The following SNTA1 variants were observed in gnomAD, a reference collection of about 807,000 sequenced individuals.
SNTA1 encodes syntrophin alpha 1.
Under a neutral mutation model 47.1 loss-of-function variants are expected in SNTA1, and 31 were observed. That is an observed-to-expected ratio of 0.66 (90% CI 0.49 to 0.89). The LOEUF (loss-of-function observed/expected upper bound fraction) is 0.89. Ranked by LOEUF, SNTA1 falls within the 40% of genes least tolerant of loss-of-function variation. The pLI, the probability that SNTA1 is intolerant of heterozygous loss-of-function variation, is 0.00. For synonymous variants in SNTA1, 300 were observed against 313.6 expected (o/e 0.96, Z 0.46); for missense variants, 575 against 693.0 (o/e 0.83, Z 1.91).
Position 33,428,004 on chromosome 20 carries a change from G to A in SNTA1, c.497-10081C>T, listed in dbSNP as rs6087488. On this transcript the variant is annotated intron_variant, in intron 2 of 7. Transcript: ENST00000217381. The stretch of plus-strand genomic sequence containing the variant: ...TCACAGGTGCATCATAGTGCACTCC[G>A]GCCTCGAATTCCTGGCCTCAAACAA... 6.1e-4 allele frequency among the ~76,000 whole-genome samples: 92 copies of A among 151,698 alleles called. No individual in the cohort carries two copies. In the East Asian group the frequency reaches 0.017, roughly 28 times the overall value.
chr20:33,409,135 T>C (rs1191364252), intron 6 of SNTA1, among the ~76,000 whole-genome samples: 2 of 152,040 alleles, frequency 1.3e-5, no homozygotes, highest in Non-Finnish European at 2.9e-5. Context: ...AAATGTGCCA[T>C]GGACAGGAGG....
chr20:33,434,831 C>T (rs1340640726), intron 2 of SNTA1, among the ~76,000 whole-genome samples: 5 of 151,850 alleles, frequency 3.3e-5, no homozygotes, highest in Non-Finnish European at 7.4e-5. Context: ...AGCCACCACG[C>T]CTGCCTGGAG....
At chr20:33,430,287 C>CTT (rs951409757) in intron 2 of SNTA1, among the ~76,000 whole-genome samples, 125 of 131,506 alleles carry the variant, frequency 9.5e-4, no homozygotes, top group Non-Finnish European at 1.2e-3. Context: ...TTACTTTTTT[C>CTT]TTTTTTTTTT....
At chr20:33,412,131 TTTTACAG>T (rs1429094306) in intron 5 of SNTA1, among the ~76,000 whole-genome samples, 158 bp downstream of exon 5, 4 of 152,188 alleles carry the variant, frequency 2.6e-5, no homozygotes, top group Non-Finnish European at 5.9e-5. Flanking sequence ...CAAGCACCCA[TTTTACAG>T]ATGAGGAAAC....
At chr20:33,436,380 C>T (rs554162689) in intron 2 of SNTA1, among the ~76,000 whole-genome samples, 8 of 152,208 alleles carry the variant, frequency 5.3e-5, no homozygotes, top group South Asian at 2.1e-4. Flanking sequence ...GGTTTCAAAC[C>T]GCATTGCTGA....
At chr20:33,434,700 T>C (rs1255702764) in intron 2 of SNTA1, among the ~76,000 whole-genome samples, 1 of 150,508 alleles carries the variant, frequency 6.6e-6, no homozygotes, top group Admixed American at 6.6e-5. Context: ...ACGCTTACAC[T>C]CTTTTTTTTT....
chr20:33,424,037 G>A (rs1014834583), intron 2 of SNTA1, among the ~76,000 whole-genome samples: 12 of 152,072 alleles, frequency 7.9e-5, no homozygotes, highest in Admixed American at 3.9e-4. Flanking sequence ...CCTGACGGCC[G>A]GGCGCGGTGG....
At chr20:33,421,192 G>C (rs1990011341) in intron 2 of SNTA1, among the ~76,000 whole-genome samples, 1 of 149,454 alleles carries the variant, frequency 6.7e-6, no homozygotes, top group African/African-American at 2.5e-5. Flanking sequence ...AAAAGAGAAA[G>C]AAAGAAAATG....
Position 33,410,371 on chromosome 20 carries a change from G to C in SNTA1, c.1041-40C>G, listed in dbSNP as rs557299339. 6 of 1,382,806 alleles carry C rather than the reference G, an allele frequency of 4.3e-6. No homozygotes were observed. In the African/African-American group the frequency reaches 8.6e-5, roughly 20 times the overall value. The allele number at this position is 1,382,806 out of a possible 1,614,324, so 85.7% of individuals were successfully genotyped here. A position where few individuals can be genotyped will look rare whatever the true frequency, so the allele number is the denominator to read the frequency against. On this transcript the variant is annotated intron_variant, in intron 5 of 7. Transcript: ENST00000217381. ...CAGAGGGCTGAGCATGAGGCCTCAG[G>C]CCGGAGGCAAATAGTTCTGGGCAAA... is the stretch of plus-strand genomic sequence containing the variant.
rs786205426 is a variant in SNTA1, at chr20:33,408,527, G to A, written c.1498C>T (p.Arg500Cys). The part of the protein sequence containing the change: ...IHSFLSAKVT[R>C]LGLLA ...GACTTCTAGGCCAACAGCCCGAGGC[G>A]GGTGACTTTGGCCGACAGGAAGGAG... The change falls in exon 8 of 8, where the codon CGC (arginine) becomes TGC (cysteine). Residue 500 changes from arginine to cysteine, a missense_variant. Coordinates refer to ENST00000217381, the MANE Select transcript of SNTA1 (RefSeq NM_003098.3). 22 of 1,613,688 alleles carry A rather than the reference G, an allele frequency of 1.4e-5. No homozygotes were observed. The East Asian group carries it at 2.5e-4, about 18-fold the overall frequency.
intron 2 of SNTA1, among the ~76,000 whole-genome samples, chr20:33,422,268 G>A (rs1012949152): frequency 6.6e-6 from 1 of 151,420 alleles, no homozygotes; most frequent in Admixed American, 6.6e-5. Context: ...GTGAAACCTC[G>A]TCTCTACTAA....
chr20:33,417,629 T>C (rs1330406064), intron 3 of SNTA1, 90 bp downstream of exon 3: 1 of 928,332 alleles, frequency 1.1e-6, no homozygotes, highest in African/African-American at 1.6e-5. Context: ...GTGCTGGTCA[T>C]TCGTACAACA....
intron 3 of SNTA1, 42 bp downstream of exon 3, chr20:33,417,677 A>C: frequency 6.9e-7 from 1 of 1,439,906 alleles, no homozygotes; most frequent in South Asian, 1.1e-5. Flanking sequence ...ACCTGACGCC[A>C]GGGCATCTGT....
Position 33,443,708 on chromosome 20 carries a change from C to A in SNTA1, c.-88G>T, listed in dbSNP as rs1236476937. 4 of 862,938 alleles carry A rather than the reference C, an allele frequency of 4.6e-6. No homozygotes were observed. Among genetic ancestry groups the A allele is most frequent in the Admixed American group, 1.0e-4 (2 of 19,782 alleles). 53.5% of individuals were successfully genotyped at this position (862,938 alleles called of 1,614,324 possible). On this transcript the variant is annotated 5_prime_UTR_variant, in exon 1 of 8. Coordinates refer to ENST00000217381, the MANE Select transcript of SNTA1 (RefSeq NM_003098.3). ...ACCAAGCGCCCAGGGCAGAGGGCAG[C>A]GGGGGCCCGGCTGGGCCAGCCGCCA...
chr20:33,426,559 C>T (rs929621789), intron 2 of SNTA1, among the ~76,000 whole-genome samples: 8 of 151,414 alleles, frequency 5.3e-5, no homozygotes, highest in African/African-American at 1.9e-4. Context: ...GTCAGGAGTT[C>T]GAGACCAGCC....
intron 2 of SNTA1, among the ~76,000 whole-genome samples, chr20:33,430,287 CTT>C (rs951409757): frequency 4.6e-5 from 6 of 131,510 alleles, no homozygotes; most frequent in Admixed American, 8.4e-5. Flanking sequence ...TTACTTTTTT[CTT>C]TTTTTTTTTT....
intron 2 of SNTA1, among the ~76,000 whole-genome samples, chr20:33,420,787 C>A (rs1002966973): frequency 1.3e-5 from 2 of 151,996 alleles, no homozygotes; most frequent in African/African-American, 4.8e-5. Context: ...TGAGACGAGC[C>A]TGGCCAACAT....
intron 1 of SNTA1, 120 bp downstream of exon 1, chr20:33,443,191 A>T: frequency 2.9e-6 from 2 of 695,198 alleles, no homozygotes; most frequent in Non-Finnish European, 4.3e-6. Context: ...GTTTCCTCAG[A>T]CCCCCCTTAC....
rs369770829 is a variant in SNTA1 at position 33,408,498 on chromosome 20, C to T, written c.*9G>A. On this transcript the variant is annotated 3_prime_UTR_variant, in exon 8 of 8. Transcript: ENST00000217381. ...CACCCCTCTTCAGGGCTAGTGCATC[C>T]GGCGACTTCTAGGCCAACAGCCCGA... 38 of 1,603,588 alleles carry T rather than the reference C, an allele frequency of 2.4e-5. No homozygotes were observed. Among genetic ancestry groups the T allele is most frequent in the African/African-American group, 2.7e-5 (2 of 74,696 alleles).
Sources: allele counts gnomAD v4.1 joint callset (sites outside exome capture counted in the v4.1 genomes callset), GRCh38; gene constraint gnomAD v4.1.1; transcripts MANE v1.5; gene names NCBI Gene and HGNC (gene_info 2026-07-23, HGNC 2026-07-21).